Variants in LAMC3 observed in about 807,000 individuals in gnomAD.
The protein encoded by LAMC3 is laminin subunit gamma 3.
A neutral mutation model predicts 173.8 loss-of-function variants in LAMC3; 128 were observed. That is an observed-to-expected ratio of 0.74 (90% CI 0.64 to 0.85). LAMC3 has a LOEUF of 0.85. Among genes scored for constraint, LAMC3 ranks in the 40% least tolerant of loss-of-function variants. The pLI, the probability that LAMC3 is intolerant of heterozygous loss-of-function variation, is 0.00. For missense variants in LAMC3, 2,022 were observed against 2,156.0 expected, an observed-to-expected ratio of 0.94 and a Z score of 1.23; for synonymous variants, 897 against 909.1, an observed-to-expected ratio of 0.99 and a Z score of 0.24.
intron 24 of LAMC3, among the ~76,000 whole-genome samples, chr9:131,084,194 C>T (rs1046174256): frequency 6.6e-6 from 1 of 151,828 alleles, no homozygotes; most frequent in African/African-American, 2.4e-5. Context: ...GTATTCAGTT[C>T]TTTTGATGAT....
In LAMC3 at chr9:131,061,113, C is replaced by A; in HGVS notation, c.2237C>A (p.Ala746Glu). 6.2e-7 allele frequency: 1 copy of A among 1,613,908 alleles called. No homozygotes were observed. ...CCAGGTTTCTATGGCAACCCTTTCGCGGGCCAAGCCGACGACTGCCAGCCC... is the reference window on the plus strand; with the variant it reads ...CCAGGTTTCTATGGCAACCCTTTCGAGGGCCAAGCCGACGACTGCCAGCCC... ...CLPGFYGNPF[A>E]GQADDCQPCP... The change falls in exon 13 of 28, where the codon GCG becomes GAG. Residue 746 changes from alanine (A) to glutamate (E), a missense_variant. Physicochemically the swap from Ala to Glu is moderately radical, Grantham distance 107. Transcript: ENST00000361069.
At position 131,045,506 on chromosome 9, in the gene LAMC3, G is replaced by T; in HGVS notation, c.1383-18G>T. The T allele has an allele frequency of 1.2e-6, 2 of 1,613,030 alleles. No homozygotes were observed. Among genetic ancestry groups the T allele is most frequent in the Non-Finnish European group, 1.7e-6 (2 of 1,180,026 alleles). ...TGATTCACGTGGCCCTCGTGGGCAT[G>T]TCCTGCCTCCATTTCAGATGTCGCC... On this transcript the variant is annotated intron_variant, in intron 7 of 27. Coordinates refer to ENST00000361069, the MANE Select transcript of LAMC3 (RefSeq NM_006059.4).
chr9:131,017,457 C>G (rs1833543509), intron 1 of LAMC3, among the ~76,000 whole-genome samples: 2 of 151,854 alleles, frequency 1.3e-5, no homozygotes, highest in South Asian at 4.2e-4. Flanking sequence ...CGGGTGCGGT[C>G]CTTACGCCTG....
intron 20 of LAMC3, 24 bp downstream of exon 20, chr9:131,073,345 T>C: frequency 6.3e-7 from 1 of 1,580,996 alleles, no homozygotes; most frequent in Non-Finnish European, 8.7e-7. Flanking sequence ...CATGGTGAGC[T>C]TACACCTGGC....
chr9:131,017,184 G>T (rs994651301), intron 1 of LAMC3, among the ~76,000 whole-genome samples: 1 of 152,154 alleles, frequency 6.6e-6, no homozygotes, highest in Non-Finnish European at 1.5e-5. Context: ...GGGCTGCTGC[G>T]GGTCACCGGC....
At chr9:131,081,726 C>T (rs1444685010) in intron 23 of LAMC3, among the ~76,000 whole-genome samples, 5 of 152,180 alleles carry the variant, frequency 3.3e-5, no homozygotes, top group Non-Finnish European at 5.9e-5. Context: ...CTGCCCACCT[C>T]GGCCTTCCAA....
Position 131,009,191 on chromosome 9 carries a change from C to T in LAMC3, c.-24C>T. On this transcript the variant is annotated 5_prime_UTR_variant, in exon 1 of 28. Transcript: ENST00000361069. This position sits in a 1 kb window ranked among gnomAD's most constrained non-coding sequence, Gnocchi z 4.3. ...CCCTAGCCGAGCGGGGCCGGCAGAG[C>T]GCGCGGCGTCGGTGCCCTTGACCAT... The T allele has an allele frequency of 8.4e-7, 1 of 1,186,964 alleles. No individual in the cohort carries two copies. Among genetic ancestry groups the T allele is most frequent in the Non-Finnish European group, 1.0e-6 (1 of 961,440 alleles). The allele number at this position is 1,186,964 out of a possible 1,614,324, so 73.5% of individuals were successfully genotyped here.
intron 22 of LAMC3, 109 bp downstream of exon 22, chr9:131,077,443 G>A (rs764960574): frequency 3.0e-5 from 41 of 1,373,382 alleles, no homozygotes; most frequent in South Asian, 2.7e-4. Context: ...TTGGGAGGCC[G>A]AGGCGGGTGG....
chr9:131,071,731 T>C (rs1383357839), intron 18 of LAMC3, 106 bp downstream of exon 18: 1 of 1,213,990 alleles, frequency 8.2e-7, no homozygotes, highest in Admixed American at 2.8e-5. Context: ...AACAGCCCTG[T>C]TGCCATGGGC....
At chr9:131,085,388 C>T (rs1484223461) in intron 24 of LAMC3, 136 bp from the exon 25 acceptor site, 155 of 806,952 alleles carry the variant, frequency 1.9e-4, no homozygotes, top group Non-Finnish European at 1.4e-4. Flanking sequence ...AGGCGATATG[C>T]ACGTTGCATG....
chr9:131,041,392 G>C, intron 6 of LAMC3, among the ~76,000 whole-genome samples: 1 of 108,800 alleles, frequency 9.2e-6, no homozygotes, highest in Admixed American at 9.6e-5. Context: ...TGGATGATGA[G>C]TGAGTGCGTG....
intron 27 of LAMC3, among the ~76,000 whole-genome samples, chr9:131,088,430 G>A (rs1259832453): frequency 6.6e-6 from 1 of 152,072 alleles, no homozygotes; most frequent in Non-Finnish European, 1.5e-5. Flanking sequence ...ATTCAAGATG[G>A]GCCTTAGCAA....
chr9:131,053,568 C>T (rs1310407336), intron 11 of LAMC3, among the ~76,000 whole-genome samples: 1 of 152,204 alleles, frequency 6.6e-6, no homozygotes, highest in African/African-American at 2.4e-5. Flanking sequence ...GGCGCAGAAG[C>T]TCACGCCTGT....
intron 18 of LAMC3, 150 bp from the exon 19 acceptor site, chr9:131,072,480 T>TG (rs982305783): frequency 4.3e-6 from 3 of 701,130 alleles, no homozygotes; most frequent in Admixed American, 2.2e-5. Flanking sequence ...ACCTGGAAAA[T>TG]GGGGGTACTC....
chr9:131,010,302 C>CTACA (rs1833390073), intron 1 of LAMC3, among the ~76,000 whole-genome samples: 1 of 151,716 alleles, frequency 6.6e-6, no homozygotes, highest in African/African-American at 2.4e-5. Context: ...ACAGCCTGGG[C>CTACA]TACAGAGTGA....
intron 13 of LAMC3, among the ~76,000 whole-genome samples, chr9:131,064,664 C>CAA (rs36112492): frequency 6.2e-5 from 2 of 32,482 alleles, no homozygotes; most frequent in East Asian, 6.1e-4. Flanking sequence ...ACTCCGTCTC[C>CAA]AAAAAAAAAA....
At position 131,046,518 on chromosome 9, in the gene LAMC3, A is replaced by ATTTTTTTTTTTTT. The variant is rs71501242; in HGVS notation, c.1519+872_1519+884dup. Among the ~76,000 whole-genome samples the ATTTTTTTTTTTTT allele has an allele frequency of 2.5e-3, 122 of 49,162 alleles. 21 individuals carry two copies. The highest frequency in any genetic ancestry group is 6.9e-3 in the African/African-American group (94 of 13,604). 32.3% of individuals were successfully genotyped at this position (49,162 alleles called of 152,430 possible). On this transcript the variant is annotated intron_variant, in intron 8 of 27. Transcript: ENST00000361069. ...ACCACCATGCCGAGCTAATTTTTGT[A>ATTTTTTTTTTTTT]TTTTTTTTTTTTTTTTTTTTTTTTT...
intron 12 of LAMC3, 140 bp from the exon 13 acceptor site, chr9:131,060,895 C>T: frequency 2.5e-6 from 2 of 809,088 alleles, no homozygotes; most frequent in Non-Finnish European, 4.2e-6. Flanking sequence ...GACCCTCAAT[C>T]CCCAGGCCTT....
intron 9 of LAMC3, 152 bp downstream of exon 9, chr9:131,049,282 A>G: frequency 4.4e-6 from 3 of 676,226 alleles, no homozygotes; most frequent in Admixed American, 2.1e-5. Flanking sequence ...GCTAACATCA[A>G]GGTGTCAGCA....
Sources: gnomAD v4.1 joint callset for allele counts (sites outside exome capture counted in the v4.1 genomes callset) on GRCh38, gnomAD v4.1.1 for gene constraint, Gnocchi (gnomAD v3.1) non-coding constraint, MANE v1.5 for transcripts, NCBI Gene and HGNC (gene_info 2026-07-23, HGNC 2026-07-21) for gene names.